Variants in NEK10 observed in about 807,000 individuals in gnomAD.
NEK10 encodes the protein NIMA related kinase 10, also known as serine/threonine-protein kinase Nek10.
Under a neutral mutation model 159.8 loss-of-function variants are expected in NEK10, and 122 were observed. That is an observed-to-expected ratio of 0.76 (90% confidence interval 0.66 to 0.89). NEK10 has a LOEUF of 0.89. Among genes scored for constraint, NEK10 ranks in the 40% least tolerant of loss-of-function variants. The pLI is 0.00. For missense variants in NEK10, 1,342 were observed against 1,323.1 expected (o/e 1.01, Z -0.22); for synonymous variants, 466 against 457.1 (o/e 1.02, Z -0.25).
chr3:27,227,398 G>A (rs1418515746), intron 23 of NEK10, among the ~76,000 whole-genome samples: 1 of 152,196 alleles, frequency 6.6e-6, no homozygotes, highest in Non-Finnish European at 1.5e-5. Context: ...GCTTCTCCGC[G>A]AAGTAGGGAG....
At chr3:27,174,609 C>A (rs1289106688) in intron 27 of NEK10, 41 bp downstream of exon 27, 6 of 1,595,534 alleles carry the variant, frequency 3.8e-6, no homozygotes, top group Non-Finnish European at 5.1e-6. Flanking sequence ...GACACACTGC[C>A]ACTAGCAGTA....
At chr3:27,198,939 G>A (rs187806000) in intron 25 of NEK10, among the ~76,000 whole-genome samples, 22 of 151,902 alleles carry the variant, frequency 1.4e-4, no homozygotes, top group South Asian at 4.2e-4. Flanking sequence ...CAGGTGTGGT[G>A]GCACAGGCCT....
chr3:27,162,831 G>T, intron 29 of NEK10, 93 bp from the exon 30 acceptor site: 1 of 1,512,180 alleles, frequency 6.6e-7, no homozygotes, highest in Non-Finnish European at 9.0e-7. Flanking sequence ...ACATTATAAA[G>T]ATTAATAGAG....
At chr3:27,188,422 TC>T (rs1287262888) in intron 26 of NEK10, among the ~76,000 whole-genome samples, 1 of 152,202 alleles carries the variant, frequency 6.6e-6, no homozygotes, top group Non-Finnish European at 1.5e-5. Flanking sequence ...ATCCAACAAA[TC>T]CCTGTTCCTT....
At chr3:27,118,410 A>T (rs1364847254) in intron 33 of NEK10, among the ~76,000 whole-genome samples, 1 of 152,268 alleles carries the variant, frequency 6.6e-6, no homozygotes, top group Non-Finnish European at 1.5e-5. Flanking sequence ...TGACATGTAG[A>T]GGCCTAGGCC....
intron 32 of NEK10, among the ~76,000 whole-genome samples, chr3:27,127,371 C>T (rs1194502961): frequency 6.6e-6 from 1 of 152,100 alleles, no homozygotes; most frequent in African/African-American, 2.4e-5. Flanking sequence ...CTGAGAAACA[C>T]ATCATTAGGC....
intron 22 of NEK10, among the ~76,000 whole-genome samples, chr3:27,279,834 C>G (rs2042021175): frequency 6.6e-6 from 1 of 152,082 alleles, no homozygotes; most frequent in Non-Finnish European, 1.5e-5. Context: ...CTTTATTTGA[C>G]ACTAGGAAAA....
At chr3:27,355,039 T>G (rs1010552473) in intron 1 of NEK10, among the ~76,000 whole-genome samples, 1 of 151,952 alleles carries the variant, frequency 6.6e-6, no homozygotes, top group Non-Finnish European at 1.5e-5. Flanking sequence ...CTGGGCAGAG[T>G]GCCCACATAT....
At chr3:27,329,455 C>T (rs184111886) in intron 5 of NEK10, among the ~76,000 whole-genome samples, 1 of 152,254 alleles carries the variant, frequency 6.6e-6, no homozygotes, top group East Asian at 1.9e-4. Flanking sequence ...GGAAATGCGG[C>T]TCCCAGGATG....
intron 30 of NEK10, among the ~76,000 whole-genome samples, chr3:27,143,693 GCAAA>G (rs897084423): frequency 2.4e-4 from 36 of 152,078 alleles, no homozygotes; most frequent in African/African-American, 8.5e-4. Flanking sequence ...AAACAAGCAA[GCAAA>G]CAAACAAAAA....
chr3:27,271,012 T>C lies in NEK10; in HGVS notation c.2014+13590A>G, dbSNP rs184073488. Among the ~76,000 whole-genome samples the C allele has an allele frequency of 1.5e-3, 226 of 152,292 alleles. 1 individual carries two copies. The highest frequency in any genetic ancestry group is 5.3e-3 in the African/African-American group (221 of 41,562). ...TTTAGGGTCTGTCATTTCTAACTAG[T>C]ATGAAAGATCCATGAGAGGACTTTG... is the stretch of plus-strand genomic sequence containing the variant. On this transcript the variant is annotated intron_variant, in intron 22 of 35. Coordinates refer to ENST00000691995, the MANE Select transcript of NEK10 (RefSeq NM_001394966.1).
chr3:27,200,071 C>T (rs1208732551), intron 25 of NEK10, among the ~76,000 whole-genome samples: 1 of 152,032 alleles, frequency 6.6e-6, no homozygotes, highest in Non-Finnish European at 1.5e-5. Context: ...CACAAGTTTA[C>T]CTTGTATAAC....
At position 27,331,262 on chromosome 3, in the gene NEK10, A is replaced by AAAAAAAAAAAACAC; in HGVS notation, c.363-9002_363-9001insGTGTTTTTTTTTTT. ...CAAAAAAAAAAAAACAAAAAAAAAA[A>AAAAAAAAAAAACAC]ACACACAAACCTAAGACTTTTGAGG... On this transcript the variant is annotated intron_variant, in intron 5 of 35. Coordinates refer to ENST00000691995, the MANE Select transcript of NEK10 (RefSeq NM_001394966.1). 1.7e-3 allele frequency among the ~76,000 whole-genome samples: 183 copies of AAAAAAAAAAAACAC among 110,048 alleles called. 4 individuals are homozygous for AAAAAAAAAAAACAC. The highest frequency in any genetic ancestry group is 2.6e-3 in the Non-Finnish European group (134 of 50,992). The allele number at this position is 110,048 out of a possible 152,430, so 72.2% of individuals were successfully genotyped here.
At chr3:27,282,698 CTG>C (rs912693891) in intron 22 of NEK10, among the ~76,000 whole-genome samples, 3 of 134,582 alleles carry the variant, frequency 2.2e-5, no homozygotes, top group South Asian at 4.8e-4. Context: ...ATATACATAA[CTG>C]TGTTATATAT....
chr3:27,331,384 A>T (rs753762776), intron 5 of NEK10, among the ~76,000 whole-genome samples: 1 of 152,132 alleles, frequency 6.6e-6, no homozygotes, highest in East Asian at 1.9e-4. Flanking sequence ...TACCAAGGTG[A>T]CCAGGCTTCT....
At chr3:27,239,414 T>A (rs906117950) in intron 23 of NEK10, among the ~76,000 whole-genome samples, 7 of 152,040 alleles carry the variant, frequency 4.6e-5, no homozygotes, top group Non-Finnish European at 1.0e-4. Context: ...GTAGTGAGGG[T>A]AATTGTGGGT....
chr3:27,364,125 G>C (rs139896299), intron 1 of NEK10, among the ~76,000 whole-genome samples: 1 of 150,832 alleles, frequency 6.6e-6, no homozygotes, highest in African/African-American at 2.4e-5. Context: ...TCACTATGTC[G>C]CCCAGGCTGG....
At chr3:27,205,188 C>A (rs181521686) in intron 23 of NEK10, among the ~76,000 whole-genome samples, 92 of 151,980 alleles carry the variant, frequency 6.1e-4, no homozygotes, top group African/African-American at 2.0e-3. Context: ...CTACAAACCA[C>A]TGCTCAAGGA....
chr3:27,171,108 C>T (rs1378177481), intron 29 of NEK10, among the ~76,000 whole-genome samples: 3 of 152,164 alleles, frequency 2.0e-5, no homozygotes, highest in Non-Finnish European at 4.4e-5. Flanking sequence ...AGGTTCTGCT[C>T]CCTCTAATCT....
Sources: allele counts gnomAD v4.1 joint callset (sites outside exome capture counted in the v4.1 genomes callset), GRCh38; gene constraint gnomAD v4.1.1; transcripts MANE v1.5; gene names NCBI Gene and HGNC (gene_info 2026-07-23, HGNC 2026-07-21).